Variants in ABCE1 observed in about 807,000 individuals in gnomAD.
ABCE1 encodes the protein ATP binding cassette subfamily E member 1, also known as ATP-binding cassette sub-family E member 1.
Under a neutral mutation model 83.4 loss-of-function variants are expected in ABCE1, and 22 were observed. The observed-to-expected ratio is 0.26, with a 90% CI of 0.19 to 0.38. The LOEUF (loss-of-function observed/expected upper bound fraction) is 0.38, where lower values mean the gene tolerates loss of function less well. Ranked by LOEUF, ABCE1 falls within the 10% of genes least tolerant of loss-of-function variation. The pLI is 1.00. For missense variants in ABCE1, 330 were observed against 721.9 expected, an observed-to-expected ratio of 0.46 and a Z score of 6.22; for synonymous variants, 204 against 233.7, an observed-to-expected ratio of 0.87 and a Z score of 1.16.
chr4:145,121,298 GT>G, intron 12 of ABCE1, 34 bp from the exon 13 acceptor site: 3 of 1,612,158 alleles, frequency 1.9e-6, no homozygotes, highest in Non-Finnish European at 2.5e-6. Flanking sequence ...GATCTGGGCA[GT>G]TTTTAGTGTC....
chr4:145,114,849 C>T (rs1248511690), intron 9 of ABCE1, among the ~76,000 whole-genome samples: 1 of 151,878 alleles, frequency 6.6e-6, no homozygotes, highest in Non-Finnish European at 1.5e-5. Context: ...AAGTTAAGAT[C>T]TCTATGTAGT....
chr4:145,104,546 A>G (rs768084267), intron 2 of ABCE1, 31 bp downstream of exon 2: 2 of 1,404,894 alleles, frequency 1.4e-6, no homozygotes, highest in Admixed American at 2.2e-5. Context: ...TTTAAGTATA[A>G]AAGAAAACCA....
rs973691422 is a variant in ABCE1, at chr4:145,104,355, G to A, written c.-27-31G>A. On this transcript the variant is annotated intron_variant, in intron 1 of 17. Coordinates refer to ENST00000296577, the MANE Select transcript of ABCE1 (RefSeq NM_002940.3). The stretch of plus-strand genomic sequence containing the variant: ...ATGCAAATTAGTTCCCTTAACTAAT[G>A]GCATTAAATTTGTTGATTTTTCTTT... 5 of 1,086,862 alleles carry A rather than the reference G, an allele frequency of 4.6e-6. No individual in the cohort carries two copies. In the African/African-American group the frequency reaches 8.0e-5, roughly 17 times the overall value. 67.3% of individuals were successfully genotyped at this position (1,086,862 alleles called of 1,614,324 possible).
chr4:145,124,962 T>C (rs1406938762), intron 16 of ABCE1, 28 bp from the exon 17 acceptor site: 1 of 1,507,844 alleles, frequency 6.6e-7, no homozygotes, highest in Non-Finnish European at 9.1e-7. Flanking sequence ...TAAAATTTAA[T>C]CAAAATTGAT....
chr4:145,114,827 T>C (rs1749569900), intron 9 of ABCE1, among the ~76,000 whole-genome samples: 1 of 151,992 alleles, frequency 6.6e-6, no homozygotes. Flanking sequence ...GCTGGTCTTA[T>C]TTACAGGTAT....
In ABCE1 at chr4:145,104,479, C is replaced by G; in HGVS notation, c.67C>G (p.Gln23Glu). 6.2e-7 allele frequency: 1 copy of G among 1,601,996 alleles called. No homozygotes were observed. Among genetic ancestry groups the G allele is most frequent in the Non-Finnish European group, 8.5e-7 (1 of 1,174,666 alleles). The change falls in exon 2 of 18, where the codon CAG (glutamine) becomes GAG (glutamate). Residue 23 changes from glutamine (Q) to glutamate (E), a missense_variant. Physicochemically the swap from Gln to Glu is conservative, Grantham distance 29 (BLOSUM62 2). Coordinates refer to ENST00000296577, the MANE Select transcript of ABCE1 (RefSeq NM_002940.3). The part of the protein sequence containing the change: ...HDKCKPKKCR[Q>E]ECKKSCPVVR... ...CAAATGTAAACCTAAGAAATGTCGA[C>G]AGGAATGCAAAAAGAGTTGTCCTGT...
chr4:145,123,714 C>A, intron 16 of ABCE1, 114 bp downstream of exon 16: 1 of 1,060,652 alleles, frequency 9.4e-7, no homozygotes, highest in Non-Finnish European at 1.3e-6. Context: ...AGACTTGATT[C>A]TGTGACTCCT....
intron 10 of ABCE1, among the ~76,000 whole-genome samples, chr4:145,118,695 GT>G (rs1156253845): frequency 6.6e-6 from 1 of 151,844 alleles, no homozygotes; most frequent in African/African-American, 2.4e-5. Flanking sequence ...ATGGTACCCA[GT>G]AAGGTTTTTA....
intron 5 of ABCE1, among the ~76,000 whole-genome samples, chr4:145,109,533 A>G (rs1400794869): frequency 6.6e-6 from 1 of 152,214 alleles, no homozygotes; most frequent in African/African-American, 2.4e-5. Flanking sequence ...ATGTAAAAAT[A>G]GCTCAATTAG....
In ABCE1 at chr4:145,122,774, G is replaced by T. The variant is rs75532166; in HGVS notation, c.1264-247G>T. ...TGCAGTGAGCCCTGATCATGCCATT[G>T]CACACCTGGGCAATGGAGCAAGACC... is the stretch of plus-strand genomic sequence containing the variant. On this transcript the variant is annotated intron_variant, in intron 13 of 17. Transcript: ENST00000296577. 2.3e-4 allele frequency: 74 copies of T among 315,488 alleles called. No homozygotes were observed. The East Asian group carries it at 4.1e-3, about 18-fold the overall frequency. The allele number at this position is 315,488 out of a possible 1,614,324, so 19.5% of individuals were successfully genotyped here. A position where few individuals can be genotyped will look rare whatever the true frequency, so the allele number is the denominator to read the frequency against.
Position 145,102,941 on chromosome 4 carries a change from G to A in ABCE1, c.-27-1445G>A, listed in dbSNP as rs962694198. ...AGAAGACAAGCTGTTTGAGGAGAGG[G>A]GTTAAATGAGAGGACAGGAGGGTCA... is the stretch of plus-strand genomic sequence containing the variant. On this transcript the variant is annotated intron_variant, in intron 1 of 17. Transcript: ENST00000296577. Among the ~76,000 whole-genome samples, 16 of 152,036 alleles carry A rather than the reference G, an allele frequency of 1.1e-4. No individual in the cohort carries two copies. The East Asian group carries it at 2.9e-3, about 28-fold the overall frequency.
chr4:145,105,527 C>G (rs777837768), intron 2 of ABCE1, 78 bp from the exon 3 acceptor site: 2 of 944,396 alleles, frequency 2.1e-6, no homozygotes, highest in Admixed American at 2.5e-5. Context: ...AATTTAGAAC[C>G]AGCATTGCCT....
intron 9 of ABCE1, among the ~76,000 whole-genome samples, chr4:145,112,804 GATTC>G (rs1749517032): frequency 6.6e-6 from 1 of 152,172 alleles, no homozygotes; most frequent in Non-Finnish European, 1.5e-5. Context: ...AGAGTTTTCA[GATTC>G]ATTATGTCAT....
chr4:145,112,243 A>ATTTTTT lies in ABCE1; in HGVS notation c.716_717insTTTTTT (p.Met239delinsIlePheLeu). The ATTTTTT allele has an allele frequency of 7.2e-7, 1 of 1,392,746 alleles. No homozygotes were observed. The highest frequency in any genetic ancestry group is 9.5e-7 in the Non-Finnish European group (1 of 1,053,852). The allele number at this position is 1,392,746 out of a possible 1,614,324, so 86.3% of individuals were successfully genotyped here. The stretch of plus-strand genomic sequence containing the variant: ...TTTTTTTTTTTTTTTTCATAGTTTC[A>ATTTTTT]TGTTTGATGAGCCTTCTAGTTACCT... On this transcript the variant is annotated protein_altering_variant, in exon 9 of 18. Coordinates refer to ENST00000296577, the MANE Select transcript of ABCE1 (RefSeq NM_002940.3).
chr4:145,103,820 A>T (rs1749219678), intron 1 of ABCE1, among the ~76,000 whole-genome samples: 2 of 147,448 alleles, frequency 1.4e-5, no homozygotes, highest in South Asian at 4.3e-4. Flanking sequence ...GGAGTGCAGT[A>T]GTGTGATCTC....
chr4:145,101,992 C>T (rs892760948), intron 1 of ABCE1, among the ~76,000 whole-genome samples: 2 of 152,012 alleles, frequency 1.3e-5, no homozygotes, highest in Non-Finnish European at 2.9e-5. Flanking sequence ...AAAAAATGAC[C>T]AAGTCTTAGA....
At chr4:145,102,454 T>C (rs1329720404) in intron 1 of ABCE1, among the ~76,000 whole-genome samples, 1 of 152,328 alleles carries the variant, frequency 6.6e-6, no homozygotes, top group East Asian at 1.9e-4. Flanking sequence ...GACATTCTTA[T>C]GGAATGTCTT....
Position 145,110,436 on chromosome 4 carries a change from A to G in ABCE1, c.605A>G (p.Gln202Arg). The change falls in exon 7 of 18, where the codon CAG becomes CGG. Residue 202 changes from glutamine to arginine, a missense_variant. By Grantham distance (43) the Gln-to-Arg change is conservative. Transcript: ENST00000296577. ...ACAAAGACACAGGCAATTGTATGTC[A>G]GCAGCTTGGTAAGTGTTTATTTTTT... is the stretch of plus-strand genomic sequence containing the variant. ...DETKTQAIVC[Q>R]QLDLTHLKER... 6.2e-7 allele frequency: 1 copy of G among 1,611,862 alleles called. No homozygotes were observed. The highest frequency in any genetic ancestry group is 8.5e-7 in the Non-Finnish European group (1 of 1,179,774).
intron 3 of ABCE1, among the ~76,000 whole-genome samples, chr4:145,107,048 C>T (rs1353901643): frequency 2.6e-5 from 4 of 152,112 alleles, no homozygotes; most frequent in East Asian, 1.9e-4. Context: ...TCTGTACTTA[C>T]GAAAAATTTT....
Sources: allele counts gnomAD v4.1 joint callset (sites outside exome capture counted in the v4.1 genomes callset), GRCh38; gene constraint gnomAD v4.1.1; transcripts MANE v1.5; gene names NCBI Gene and HGNC (gene_info 2026-07-23, HGNC 2026-07-21).